RNLS: variants seen among roughly 807,000 people sequenced by gnomAD.
RNLS encodes the protein renalase, FAD dependent amine oxidase.
RNLS carries 39 observed loss-of-function variants against 39.8 expected under a neutral mutation model. The ratio of observed to expected loss-of-function variants is 0.98; its 90% CI spans 0.76 to 1.28. RNLS has a LOEUF of 1.28. Among genes scored for constraint, RNLS ranks in the 50% most tolerant of loss-of-function variants. The probability of loss-of-function intolerance (pLI) is 0.00; values close to 1 mark genes in which losing one functional copy is unlikely to be tolerated. For synonymous variants in RNLS, 147 were observed against 150.7 expected, an observed-to-expected ratio of 0.98 and a Z score of 0.18; for missense variants, 410 against 413.3, an observed-to-expected ratio of 0.99 and a Z score of 0.07.
At chr10:88,392,173 T>G (rs1852246782) in intron 4 of RNLS, among the ~76,000 whole-genome samples, 1 of 152,258 alleles carries the variant, frequency 6.6e-6, no homozygotes, top group Non-Finnish European at 1.5e-5. Context: ...ACATCACTGT[T>G]GCCTGAGGCA....
chr10:88,308,223 A>G (rs1413843942), intron 6 of RNLS, among the ~76,000 whole-genome samples: 1 of 152,250 alleles, frequency 6.6e-6, no homozygotes. Context: ...AGAGGCAAAG[A>G]TTTCATGGCA....
At chr10:88,362,441 G>GGAGTT in intron 5 of RNLS, 111 bp downstream of exon 5, 1 of 933,968 alleles carries the variant, frequency 1.1e-6, no homozygotes, top group Non-Finnish European at 1.5e-6. Flanking sequence ...CCTGTGGCTT[G>GGAGTT]GAGTTAAATG....
the RNLS span, among the ~76,000 whole-genome samples, chr10:88,263,190 A>G: frequency 6.6e-6 from 1 of 152,132 alleles, no homozygotes; most frequent in Non-Finnish European, 1.5e-5. Context: ...ATTCAAGGAA[A>G]ACTGAAGAGA....
chr10:88,527,185 G>A (rs1259654869), intron 4 of RNLS, among the ~76,000 whole-genome samples: 3 of 152,118 alleles, frequency 2.0e-5, no homozygotes, highest in Admixed American at 1.3e-4. Context: ...ACATAATGGA[G>A]AGGCACTCTC....
chr10:88,371,333 C>G (rs1456169322), intron 4 of RNLS, among the ~76,000 whole-genome samples: 1 of 151,996 alleles, frequency 6.6e-6, no homozygotes, highest in African/African-American at 2.4e-5. Flanking sequence ...TTTAAAAAAG[C>G]CTTTAGAGGT....
intron 3 of RNLS, 92 bp from the exon 4 acceptor site, chr10:88,573,153 G>A: frequency 8.1e-7 from 1 of 1,229,142 alleles, no homozygotes; most frequent in Non-Finnish European, 1.1e-6. Context: ...CCATTCAAGT[G>A]AACAAAATGG....
At chr10:88,331,810 A>G (rs753045972) in intron 5 of RNLS, among the ~76,000 whole-genome samples, 3 of 152,126 alleles carry the variant, frequency 2.0e-5, no homozygotes, top group Non-Finnish European at 4.4e-5. Flanking sequence ...TAGCTCTTTT[A>G]TATGGCTCCC....
chr10:88,438,765 T>C (rs564921683), intron 4 of RNLS, among the ~76,000 whole-genome samples: 5 of 152,348 alleles, frequency 3.3e-5, no homozygotes, highest in African/African-American at 4.8e-5. Flanking sequence ...CTGGAAACTT[T>C]GGTTGCTCCT....
intron 4 of RNLS, among the ~76,000 whole-genome samples, chr10:88,547,756 G>T: frequency 6.6e-6 from 1 of 152,198 alleles, no homozygotes; most frequent in East Asian, 1.9e-4. Flanking sequence ...TTTCAAAATT[G>T]CTAAAAGAAT....
chr10:88,295,641 A>G (rs1175541649), intron 6 of RNLS, among the ~76,000 whole-genome samples: 1 of 152,150 alleles, frequency 6.6e-6, no homozygotes, highest in Non-Finnish European at 1.5e-5. Flanking sequence ...GAAGAAAGCA[A>G]TGTGGTTTGG....
At position 88,361,139 on chromosome 10, in the gene RNLS, G is replaced by A. The variant is rs551807129; in HGVS notation, c.700+1413C>T. On this transcript the variant is annotated intron_variant, in intron 5 of 6. Coordinates refer to ENST00000331772, the MANE Select transcript of RNLS (RefSeq NM_001031709.3). ...GTGTGCAAGCCGGGATAGAAAGAGA[G>A]AGCTTTCTCTTTTGCTCTTCTTTTA... is the stretch of plus-strand genomic sequence containing the variant. Among the ~76,000 whole-genome samples, 4 of 152,302 alleles carry A rather than the reference G, an allele frequency of 2.6e-5. No individual in the cohort carries two copies. In the East Asian group the frequency reaches 7.7e-4, roughly 29 times the overall value.
At chr10:88,458,524 T>C (rs1842761659) in intron 4 of RNLS, among the ~76,000 whole-genome samples, 1 of 152,240 alleles carries the variant, frequency 6.6e-6, no homozygotes, top group South Asian at 2.1e-4. Context: ...CATTCTCTGC[T>C]GAATTCTTAC....
the RNLS span, among the ~76,000 whole-genome samples, chr10:88,227,814 G>A: frequency 5.3e-5 from 8 of 152,182 alleles, no homozygotes; most frequent in East Asian, 7.7e-4. Context: ...ATGCAGAGGC[G>A]ATCATTGCAT....
the RNLS span, among the ~76,000 whole-genome samples, chr10:88,253,993 C>G: frequency 6.6e-6 from 1 of 152,188 alleles, no homozygotes; most frequent in Non-Finnish European, 1.5e-5. Context: ...AAAACAATTT[C>G]TTTGTGTCCT....
the RNLS span, among the ~76,000 whole-genome samples, chr10:88,230,417 C>T: frequency 0.14 from 22,042 of 152,052 alleles, 1,684 homozygotes; most frequent in South Asian, 0.21. Flanking sequence ...CCACCTGAGT[C>T]GCCCCCTCTG....
intron 4 of RNLS, among the ~76,000 whole-genome samples, chr10:88,460,588 G>A (rs988430479): frequency 5.3e-5 from 8 of 152,086 alleles, no homozygotes; most frequent in South Asian, 2.1e-4. Flanking sequence ...TAAAGCCTCC[G>A]TGAAAGACAA....
At chr10:88,539,503 G>C (rs1174485761) in intron 4 of RNLS, among the ~76,000 whole-genome samples, 1 of 152,032 alleles carries the variant, frequency 6.6e-6, no homozygotes, top group Non-Finnish European at 1.5e-5. Context: ...TGCTACAGAG[G>C]CTCCCAGTTT....
At chr10:88,391,980 G>A (rs542263756) in intron 4 of RNLS, among the ~76,000 whole-genome samples, 6 of 152,324 alleles carry the variant, frequency 3.9e-5, no homozygotes, top group African/African-American at 1.2e-4. Context: ...CAGGGTTAGC[G>A]CTCTCTCCAA....
At chr10:88,577,578 AATAACTG>A (rs1850286855) in intron 3 of RNLS, among the ~76,000 whole-genome samples, 1 of 152,180 alleles carries the variant, frequency 6.6e-6, no homozygotes, top group African/African-American at 2.4e-5. Flanking sequence ...GTCAGCACTT[AATAACTG>A]ATAGCTAGAA....
Sources: gnomAD v4.1 joint callset for allele counts (sites outside exome capture counted in the v4.1 genomes callset) on GRCh38, gnomAD v4.1.1 for gene constraint, MANE v1.5 for transcripts, NCBI Gene and HGNC (gene_info 2026-07-23, HGNC 2026-07-21) for gene names.